The following NETO1 variants were observed in gnomAD, a reference collection of about 807,000 sequenced individuals.
NETO1 encodes the protein neuropilin and tolloid like 1, also known as neuropilin and tolloid-like protein 1.
A neutral mutation model predicts 61.3 loss-of-function variants in NETO1; 26 were observed. The ratio of observed to expected loss-of-function variants is 0.42; its 90% CI spans 0.31 to 0.59. NETO1 has a LOEUF of 0.59. NETO1 is among the 20% of genes least tolerant of loss of function. NETO1 has a pLI of 0.12. For synonymous variants in NETO1, 225 were observed against 225.8 expected, an observed-to-expected ratio of 1.00 and a Z score of 0.03; for missense variants, 531 against 662.8, an observed-to-expected ratio of 0.80 and a Z score of 2.18.
intron 4 of NETO1, among the ~76,000 whole-genome samples, chr18:72,832,389 G>C (rs928721305): frequency 2.6e-5 from 4 of 152,106 alleles, no homozygotes; most frequent in Admixed American, 2.6e-4. Flanking sequence ...CACTCATAAA[G>C]ATCAAGTTTT....
intron 7 of NETO1, among the ~76,000 whole-genome samples, chr18:72,766,044 T>A (rs1298678075): frequency 6.6e-6 from 1 of 151,954 alleles, no homozygotes; most frequent in South Asian, 2.1e-4. Flanking sequence ...TCATCTCTAC[T>A]AAAAATACAA....
chr18:72,778,293 T>C (rs11151797), intron 7 of NETO1, among the ~76,000 whole-genome samples: 52,533 of 152,062 alleles, frequency 0.35, 9,410 homozygotes, highest in Admixed American at 0.47. Flanking sequence ...CCACACTTAT[T>C]TTATCAGATG....
chr18:72,796,330 G>A (rs1049536368), intron 4 of NETO1, among the ~76,000 whole-genome samples: 5 of 152,126 alleles, frequency 3.3e-5, no homozygotes, highest in African/African-American at 1.2e-4. Context: ...ACAGTTATGT[G>A]AACTGCTCTG....
chr18:72,772,422 T>C (rs2071381951), intron 7 of NETO1, among the ~76,000 whole-genome samples: 1 of 152,032 alleles, frequency 6.6e-6, no homozygotes. Context: ...TCTCCTTGTT[T>C]GAATCATCTA....
At chr18:72,834,492 C>G in intron 4 of NETO1, 1 of 974,788 alleles carries the variant, frequency 1.0e-6, no homozygotes, top group Non-Finnish European at 1.2e-6. Flanking sequence ...TTATGTGACA[C>G]TTAAGAAAGT....
At chr18:72,782,705 G>C (rs184986752) in intron 7 of NETO1, among the ~76,000 whole-genome samples, 2 of 152,080 alleles carry the variant, frequency 1.3e-5, no homozygotes, top group South Asian at 4.1e-4. Context: ...TCAGGAGGCC[G>C]AGGCAGGAGA....
chr18:72,757,225 T>A lies in NETO1; in HGVS notation c.869-1078A>T, dbSNP rs2145112122. On this transcript the variant is annotated intron_variant, in intron 7 of 10. Coordinates refer to ENST00000327305, the MANE Select transcript of NETO1 (RefSeq NM_138966.5). ...TTAATGATCAGTACTATTTAGACAC[T>A]GCAGTCATGTTATAATGAGTTTATT... Among the ~76,000 whole-genome samples the A allele has an allele frequency of 2.0e-5, 3 of 152,312 alleles. No individual in the cohort carries two copies. The East Asian group carries it at 5.8e-4, about 29-fold the overall frequency.
chr18:72,772,419 G>A (rs1426630180), intron 7 of NETO1, among the ~76,000 whole-genome samples: 1 of 151,990 alleles, frequency 6.6e-6, no homozygotes, highest in African/African-American at 2.4e-5. Flanking sequence ...GAGTCTCCTT[G>A]TTTGAATCAT....
At chr18:72,772,910 C>G (rs1359948767) in intron 7 of NETO1, among the ~76,000 whole-genome samples, 3 of 135,974 alleles carry the variant, frequency 2.2e-5, no homozygotes, top group African/African-American at 8.1e-5. Flanking sequence ...AGAATTCTGG[C>G]ATTCCAGTAT....
At chr18:72,771,110 G>A (rs1357739177) in intron 7 of NETO1, among the ~76,000 whole-genome samples, 2 of 152,036 alleles carry the variant, frequency 1.3e-5, no homozygotes, top group East Asian at 3.8e-4. Flanking sequence ...GAGATTATAT[G>A]ACAATTTTAC....
chr18:72,784,063 C>CAA (rs1481485519), intron 6 of NETO1, among the ~76,000 whole-genome samples, 157 bp from the exon 7 acceptor site: 17 of 151,972 alleles, frequency 1.1e-4, no homozygotes, highest in Non-Finnish European at 2.4e-4. Context: ...ACGATAAGAA[C>CAA]AAACTGTGTT....
At chr18:72,765,687 G>A (rs943021540) in intron 7 of NETO1, among the ~76,000 whole-genome samples, 3 of 152,054 alleles carry the variant, frequency 2.0e-5, no homozygotes, top group African/African-American at 7.2e-5. Context: ...AAAGTGCTGA[G>A]GTTACAGGCG....
At chr18:72,775,589 G>A (rs1161493876) in intron 7 of NETO1, among the ~76,000 whole-genome samples, 1 of 152,144 alleles carries the variant, frequency 6.6e-6, no homozygotes, top group Non-Finnish European at 1.5e-5. Flanking sequence ...TAGGACAGAA[G>A]AATCAAAATT....
At chr18:72,864,230 C>T (rs893173506) in intron 3 of NETO1, among the ~76,000 whole-genome samples, 1 of 151,990 alleles carries the variant, frequency 6.6e-6, no homozygotes, top group Non-Finnish European at 1.5e-5. Flanking sequence ...CTCTTTCCAA[C>T]ACCATTTATC....
chr18:72,815,340 CA>C (rs2072999126), intron 4 of NETO1, among the ~76,000 whole-genome samples: 1 of 152,136 alleles, frequency 6.6e-6, no homozygotes, highest in Non-Finnish European at 1.5e-5. Flanking sequence ...TCAACCTCCA[CA>C]TGACACCAGA....
chr18:72,862,676 A>T (rs2074613506), intron 3 of NETO1, among the ~76,000 whole-genome samples: 1 of 142,456 alleles, frequency 7.0e-6, no homozygotes, highest in Non-Finnish European at 1.5e-5. Context: ...GCTGGAGCGC[A>T]GTGGTGCGAT....
intron 4 of NETO1, among the ~76,000 whole-genome samples, chr18:72,827,494 T>C (rs916209451): frequency 7.2e-5 from 11 of 152,058 alleles, no homozygotes; most frequent in East Asian, 1.9e-4. Context: ...AGGAGAAAAT[T>C]TGAGAAACAA....
intron 7 of NETO1, among the ~76,000 whole-genome samples, chr18:72,760,691 C>T (rs548638503): frequency 2.6e-5 from 4 of 152,110 alleles, no homozygotes; most frequent in South Asian, 2.1e-4. Context: ...TAATACTTAC[C>T]CAAGCGACTT....
chr18:72,787,402 C>G (rs751689978), intron 6 of NETO1, among the ~76,000 whole-genome samples: 6 of 151,700 alleles, frequency 4.0e-5, no homozygotes, highest in Non-Finnish European at 5.9e-5. Flanking sequence ...ACTAAGCCCA[C>G]GGGATGAAAA....
Sources: gnomAD v4.1 joint callset for allele counts (sites outside exome capture counted in the v4.1 genomes callset) on GRCh38, gnomAD v4.1.1 for gene constraint, MANE v1.5 for transcripts, NCBI Gene and HGNC (gene_info 2026-07-23, HGNC 2026-07-21) for gene names.